The following AFF2 variants were observed in gnomAD, a reference collection of about 807,000 sequenced individuals.
AFF2 encodes AF4/FMR2 family member 2.
Under a neutral mutation model 76.9 loss-of-function variants are expected in AFF2, and 14 were observed. The observed-to-expected ratio is 0.18, with a 90% CI of 0.12 to 0.28. The LOEUF (loss-of-function observed/expected upper bound fraction) is 0.28, where lower values mean the gene tolerates loss of function less well. Among genes scored for constraint, AFF2 ranks in the 10% least tolerant of loss-of-function variants. The probability of loss-of-function intolerance (pLI) is 1.00; values close to 1 mark genes in which losing one functional copy is unlikely to be tolerated. For synonymous variants in AFF2, 398 were observed against 366.7 expected (o/e 1.09, Z -0.98); for missense variants, 868 against 1,001.1 (o/e 0.87, Z 1.79).
chrX:148,548,944 C>T (rs16994608), intron 1 of AFF2, among the ~76,000 whole-genome samples: 2,535 of 111,972 alleles, frequency 0.023, 70 homozygotes, highest in African/African-American at 0.074. Context: ...AAATATCATC[C>T]GTCATGAAAA....
At chrX:148,730,327 T>C (rs2055205738) in intron 3 of AFF2, among the ~76,000 whole-genome samples, 1 of 112,251 alleles carries the variant, frequency 8.9e-6, no homozygotes, top group Non-Finnish European at 1.9e-5. Context: ...AGATGATGAG[T>C]TTGCCTGTCT....
At position 148,733,263 on chromosome X, in the gene AFF2, C is replaced by A. The variant is rs186988066; in HGVS notation, c.1041+70495C>A. 1.7e-4 allele frequency among the ~76,000 whole-genome samples: 19 copies of A among 111,308 alleles called. 1 individual carries two copies. The Admixed American group carries it at 1.7e-3, about 10-fold the overall frequency. On this transcript the variant is annotated intron_variant, in intron 3 of 20. Transcript: ENST00000370460. ...ATTAAGGATGGGTGAAATTGTCATTCATTTATTTATTAAAATATTTGTGAC... is the reference window on the plus strand; with the variant it reads ...ATTAAGGATGGGTGAAATTGTCATTAATTTATTTATTAAAATATTTGTGAC...
intron 16 of AFF2, among the ~76,000 whole-genome samples, chrX:148,975,943 C>CAAAAAAAAAAAAAAAAAAAAAA: frequency 4.4e-5 from 1 of 22,719 alleles, no homozygotes; most frequent in Non-Finnish European, 1.1e-4. Context: ...GACTCCGTCT[C>CAAAAAAAAAAAAAAAAAAAAAA]AAAAAAAAAA....
At chrX:148,845,139 ACACACG>A (rs1287049866) in intron 7 of AFF2, among the ~76,000 whole-genome samples, 1,457 of 46,426 alleles carry the variant, frequency 0.031, 35 homozygotes, top group African/African-American at 0.048. Context: ...ACACACACAC[ACACACG>A]CACACTCACA....
rs782691184 is a variant in AFF2 at position 148,809,918 on chromosome X, C to T, written c.1084C>T (p.Arg362Trp). 11 of 1,207,629 alleles carry T rather than the reference C, an allele frequency of 9.1e-6. No individual in the cohort carries two copies. The highest frequency in any genetic ancestry group is 5.3e-5 in the African/African-American group (3 of 57,102). Residue 362 changes from arginine (R) to tryptophan (W), a missense_variant and splice_region_variant, in exon 4 of 21, where the codon CGG becomes TGG. This residue lies in a region of AFF2 where 532 missense variants were observed against 564.2 expected (regional missense o/e 0.94). Transcript: ENST00000370460. ...TCCAAGCTGTGTTGAAGAAATCTTGCGGGTGAGTTTAAACCTTTATTTTTG... is the reference window on the plus strand; with the variant it reads ...TCCAAGCTGTGTTGAAGAAATCTTGTGGGTGAGTTTAAACCTTTATTTTTG... ...SDPSCVEEILREMTHSWPTPL... is the reference protein window; with the variant it reads ...SDPSCVEEILWEMTHSWPTPL...
chrX:148,614,755 T>TTTCTTTC (rs1229760117), intron 1 of AFF2, among the ~76,000 whole-genome samples: 2 of 44,780 alleles, frequency 4.5e-5, no homozygotes, highest in East Asian at 8.2e-4. Context: ...TCTTTCTTTC[T>TTTCTTTC]TTCTTTCTTT....
At chrX:148,576,258 G>A (rs917299621) in intron 1 of AFF2, among the ~76,000 whole-genome samples, 2 of 111,792 alleles carry the variant, frequency 1.8e-5, no homozygotes, top group East Asian at 2.8e-4. Flanking sequence ...GGCAGCCTTT[G>A]GGGGAAAGTT....
chrX:148,725,133 A>G (rs959247265), intron 3 of AFF2, among the ~76,000 whole-genome samples: 39 of 111,309 alleles, frequency 3.5e-4, no homozygotes, highest in African/African-American at 1.1e-3. Context: ...CACTCTAGCC[A>G]TATCCATCAA....
chrX:148,737,946 C>T (rs1358305922), intron 3 of AFF2, among the ~76,000 whole-genome samples: 3 of 111,565 alleles, frequency 2.7e-5, no homozygotes, highest in African/African-American at 9.8e-5. Flanking sequence ...GTTAAACCAT[C>T]CCTGCATCTG....
At chrX:148,845,047 T>TA (rs2070647989) in intron 7 of AFF2, among the ~76,000 whole-genome samples, 1 of 110,300 alleles carries the variant, frequency 9.1e-6, no homozygotes, top group Non-Finnish European at 1.9e-5. Flanking sequence ...ACAATAGATC[T>TA]AATCCTCCCT....
At chrX:148,727,781 C>T (rs1403353553) in intron 3 of AFF2, among the ~76,000 whole-genome samples, 2 of 112,110 alleles carry the variant, frequency 1.8e-5, no homozygotes. Flanking sequence ...CTTGCTTCAG[C>T]ATGGAAATTG....
chrX:148,769,739 A>G (rs782659033), intron 3 of AFF2, among the ~76,000 whole-genome samples: 1 of 111,079 alleles, frequency 9.0e-6, no homozygotes, highest in South Asian at 3.9e-4. Context: ...TCAGGACTCT[A>G]AATTAATAGA....
intron 3 of AFF2, among the ~76,000 whole-genome samples, chrX:148,756,086 A>T (rs956373953): frequency 1.8e-5 from 2 of 112,351 alleles, no homozygotes; most frequent in African/African-American, 6.5e-5. Context: ...ACATTCAGGA[A>T]CTGTCTCTTT....
At position 148,500,706 on chromosome X, in the gene AFF2, G is replaced by C. The variant is rs1313950659; in HGVS notation, c.-392G>C. 5 of 70,649 alleles carry C rather than the reference G, an allele frequency of 7.1e-5. No homozygotes were observed. The highest frequency in any genetic ancestry group is 2.0e-4 in the African/African-American group (4 of 19,847). 5.8% of individuals were successfully genotyped at this position (70,649 alleles called of 1,213,427 possible). A position where few individuals can be genotyped will look rare whatever the true frequency, so the allele number is the denominator to read the frequency against. Reference sequence around the variant, plus strand: ...CCGCTGCCGCCCCGGCTGCCGCGCCGCGCCGCTGCCTCTGCCCCGGCCGCC... The same window carrying C: ...CCGCTGCCGCCCCGGCTGCCGCGCCCCGCCGCTGCCTCTGCCCCGGCCGCC... On this transcript the variant is annotated 5_prime_UTR_variant, in exon 1 of 21. Transcript: ENST00000370460.
chrX:148,517,453 T>C (rs1379086985), intron 1 of AFF2, among the ~76,000 whole-genome samples: 1 of 111,794 alleles, frequency 8.9e-6, no homozygotes, highest in Non-Finnish European at 1.9e-5. Context: ...GCATCTGGCT[T>C]TCTTTGTGGC....
chrX:148,856,798 G>A (rs1261940766), intron 7 of AFF2, among the ~76,000 whole-genome samples: 1 of 112,409 alleles, frequency 8.9e-6, no homozygotes, highest in Non-Finnish European at 1.9e-5. Flanking sequence ...TTCTAATCAG[G>A]TGGAACAAAT....
intron 1 of AFF2, among the ~76,000 whole-genome samples, chrX:148,509,281 A>G (rs1332829701): frequency 1.8e-5 from 2 of 112,171 alleles, no homozygotes. Context: ...TTTTATTACT[A>G]TTAGTGCACT....
chrX:148,678,705 G>A (rs1199563359), intron 3 of AFF2, among the ~76,000 whole-genome samples: 1 of 111,740 alleles, frequency 8.9e-6, no homozygotes, highest in African/African-American at 3.3e-5. Flanking sequence ...TTAGTTGGTA[G>A]GCTCCAGCAA....
At chrX:148,748,233 G>A (rs932577007) in intron 3 of AFF2, among the ~76,000 whole-genome samples, 20 of 112,168 alleles carry the variant, frequency 1.8e-4, no homozygotes, top group African/African-American at 5.2e-4. Flanking sequence ...TACACTGAGA[G>A]GGTAGAAGGG....
Sources: gnomAD v4.1 joint callset for allele counts (sites outside exome capture counted in the v4.1 genomes callset) on GRCh38, gnomAD v4.1.1 for gene constraint, gnomAD v4.1.1 regional missense constraint, MANE v1.5 for transcripts, NCBI Gene and HGNC (gene_info 2026-07-23, HGNC 2026-07-21) for gene names.